DLGAP2: variants seen among roughly 807,000 people sequenced by gnomAD.
DLGAP2 encodes the protein DLG associated protein 2.
Under a neutral mutation model 100.3 loss-of-function variants are expected in DLGAP2, and 26 were observed. The ratio of observed to expected loss-of-function variants is 0.26; its 90% CI spans 0.19 to 0.36. The LOEUF (loss-of-function observed/expected upper bound fraction) is 0.36, where lower values mean the gene tolerates loss of function less well. DLGAP2 is among the 10% of genes least tolerant of loss of function. The pLI is 1.00. For missense variants in DLGAP2, 1,858 were observed against 1,453.2 expected (o/e 1.28, Z -4.53); for synonymous variants, 886 against 630.1 (o/e 1.41, Z -6.08).
At chr8:937,969 G>A (rs1463757532) in intron 2 of DLGAP2, among the ~76,000 whole-genome samples, 1 of 152,118 alleles carries the variant, frequency 6.6e-6, no homozygotes, top group Non-Finnish European at 1.5e-5. Context: ...TGGAGCTGAG[G>A]GTAGTTCAGC....
intron 2 of DLGAP2, among the ~76,000 whole-genome samples, chr8:1,228,855 C>T (rs1012076417): frequency 2.6e-5 from 4 of 152,150 alleles, no homozygotes; most frequent in Non-Finnish European, 5.9e-5. Flanking sequence ...AATTTTGCCT[C>T]AGTGACCGGG....
rs528573509 is a variant in DLGAP2 at position 1,243,707 on chromosome 8, G to A, written c.74-15144G>A. Among the ~76,000 whole-genome samples the A allele has an allele frequency of 6.3e-4, 96 of 152,184 alleles. No individual in the cohort carries two copies. The Middle Eastern group carries it at 0.01, about 16-fold the overall frequency. On this transcript the variant is annotated intron_variant, in intron 2 of 14. Transcript: ENST00000637795. ...TGCCGATGCCCATGCCGCTGCCTCAGTCATGCCCTGATCCTCCTCAAGTCC... is the reference window on the plus strand; with the variant it reads ...TGCCGATGCCCATGCCGCTGCCTCAATCATGCCCTGATCCTCCTCAAGTCC...
chr8:1,647,693 C>A (rs1181034615), intron 8 of DLGAP2, among the ~76,000 whole-genome samples: 1 of 152,134 alleles, frequency 6.6e-6, no homozygotes, highest in Non-Finnish European at 1.5e-5. Flanking sequence ...ACCCTCCCCA[C>A]GCTTGAGGCT....
chr8:1,628,297 G>A (rs1208782035), intron 7 of DLGAP2, among the ~76,000 whole-genome samples: 1 of 145,694 alleles, frequency 6.9e-6, no homozygotes. Flanking sequence ...TTACTGTGGA[G>A]CAGGAATTAA....
intron 3 of DLGAP2, among the ~76,000 whole-genome samples, chr8:1,282,081 C>T (rs965596083): frequency 2.0e-3 from 197 of 98,688 alleles, no homozygotes; most frequent in Non-Finnish European, 3.0e-3. Context: ...ATGAACCATC[C>T]GGACATGGTG....
chr8:1,303,876 G>A (rs1328369748), intron 3 of DLGAP2, among the ~76,000 whole-genome samples: 5 of 152,206 alleles, frequency 3.3e-5, no homozygotes, highest in African/African-American at 1.2e-4. Flanking sequence ...CCTCTGGCCA[G>A]AGCCTGGGAG....
intron 2 of DLGAP2, among the ~76,000 whole-genome samples, chr8:1,023,606 C>T (rs920950501): frequency 5.2e-4 from 78 of 150,940 alleles, no homozygotes; most frequent in African/African-American, 1.8e-3. Flanking sequence ...CGGCAGGCCC[C>T]GTTTGTTCCT....
At chr8:1,120,554 C>T (rs765616411) in intron 2 of DLGAP2, among the ~76,000 whole-genome samples, 29 of 152,160 alleles carry the variant, frequency 1.9e-4, no homozygotes, top group Non-Finnish European at 3.1e-4. Context: ...CCCTCAGAAC[C>T]GATGACCACC....
Position 1,457,832 on chromosome 8 carries a change from C to T in DLGAP2, c.107-43534C>T, listed in dbSNP as rs146013891. ...AACAAATAGCTGTTGTCTGCAGAGT[C>T]ACGCAACTCACTACTTGTCATTTTC... On this transcript the variant is annotated intron_variant, in intron 3 of 14. Transcript: ENST00000637795. Among the ~76,000 whole-genome samples the T allele has an allele frequency of 3.8e-3, 577 of 151,886 alleles. 2 individuals carry two copies. Among genetic ancestry groups the T allele is most frequent in the African/African-American group, 0.013 (528 of 41,426 alleles).
chr8:1,128,279 G>A (rs1299980189), intron 2 of DLGAP2, among the ~76,000 whole-genome samples: 1 of 150,334 alleles, frequency 6.7e-6, no homozygotes, highest in Non-Finnish European at 1.5e-5. Flanking sequence ...TGCTCCCGGT[G>A]TTGTGTTCCA....
chr8:823,462 C>T (rs1224886223), intron 1 of DLGAP2, among the ~76,000 whole-genome samples: 1 of 152,092 alleles, frequency 6.6e-6, no homozygotes, highest in Non-Finnish European at 1.5e-5. Flanking sequence ...AGTTAGGGTG[C>T]TTAATTGCAA....
chr8:1,585,142 C>T (rs1306167931), intron 6 of DLGAP2, among the ~76,000 whole-genome samples: 2 of 152,152 alleles, frequency 1.3e-5, no homozygotes, highest in Non-Finnish European at 2.9e-5. Context: ...AAGAGGGAGG[C>T]TCCTAAGACT....
At chr8:1,156,754 C>G (rs1163528917) in intron 2 of DLGAP2, among the ~76,000 whole-genome samples, 1 of 152,146 alleles carries the variant, frequency 6.6e-6, no homozygotes, top group African/African-American at 2.4e-5. Flanking sequence ...GTTTGGTGCC[C>G]CAGCTCAGGA....
chr8:1,559,067 G>A (rs147480466), intron 5 of DLGAP2, among the ~76,000 whole-genome samples: 1 of 152,334 alleles, frequency 6.6e-6, no homozygotes, highest in African/African-American at 2.4e-5. Context: ...GTGCAGTGTT[G>A]AACTATCCCT....
At position 1,557,312 on chromosome 8, in the gene DLGAP2, A is replaced by G. The variant is rs115055236; in HGVS notation, c.1230+7629A>G. ...GGCTCACAATAGGGGCTTTCCATGG[A>G]AATAAATGGCTATAACTGTGCCTGC... is the stretch of plus-strand genomic sequence containing the variant. On this transcript the variant is annotated intron_variant, in intron 5 of 14. Coordinates refer to ENST00000637795, the MANE Select transcript of DLGAP2 (RefSeq NM_001346810.2). Among the ~76,000 whole-genome samples, 1,294 of 152,070 alleles carry G rather than the reference A, an allele frequency of 8.5e-3. 24 individuals are homozygous for G. The highest frequency in any genetic ancestry group is 0.029 in the African/African-American group (1,215 of 41,470).
chr8:1,193,602 C>T (rs1043612757), intron 2 of DLGAP2, among the ~76,000 whole-genome samples: 2 of 152,204 alleles, frequency 1.3e-5, no homozygotes, highest in Non-Finnish European at 2.9e-5. Context: ...CACACCACCC[C>T]ATTATCTGTG....
chr8:1,169,406 C>A (rs998524141), intron 2 of DLGAP2, among the ~76,000 whole-genome samples: 1 of 152,086 alleles, frequency 6.6e-6, no homozygotes, highest in Non-Finnish European at 1.5e-5. Context: ...TAGTTTTTTC[C>A]AATTCTGTGA....
rs186110656 is a variant in DLGAP2 at position 1,689,417 on chromosome 8, G to C, written c.2705-2118G>C. ...TGAAGTACGTAAAGCCACAGATTAA[G>C]TGGGGATGGATCTCTCGCCTCTGCG... On this transcript the variant is annotated intron_variant, in intron 12 of 14. Coordinates refer to ENST00000637795, the MANE Select transcript of DLGAP2 (RefSeq NM_001346810.2). 8.6e-4 allele frequency among the ~76,000 whole-genome samples: 131 copies of C among 152,346 alleles called. 1 individual carries two copies. The Middle Eastern group carries it at 0.02, about 24-fold the overall frequency.
chr8:1,467,433 C>A (rs1356039756), intron 3 of DLGAP2, among the ~76,000 whole-genome samples: 3 of 151,492 alleles, frequency 2.0e-5, no homozygotes, highest in African/African-American at 7.3e-5. Context: ...CCAGAGAGAC[C>A]CAGGACCCCC....
Sources: gnomAD v4.1 joint callset for allele counts (sites outside exome capture counted in the v4.1 genomes callset) on GRCh38, gnomAD v4.1.1 for gene constraint, MANE v1.5 for transcripts, NCBI Gene and HGNC (gene_info 2026-07-23, HGNC 2026-07-21) for gene names.